DGKB: variants seen among roughly 807,000 people sequenced by gnomAD.
DGKB encodes diacylglycerol kinase beta, also known as 90 kDa diacylglycerol kinase.
A neutral mutation model predicts 114.3 loss-of-function variants in DGKB; 67 were observed. The observed-to-expected ratio is 0.59, with a 90% CI of 0.48 to 0.72. The LOEUF (loss-of-function observed/expected upper bound fraction) is 0.72. Among genes scored for constraint, DGKB ranks in the 30% least tolerant of loss-of-function variants. DGKB has a pLI of 0.00. For missense variants in DGKB, 907 were observed against 975.2 expected, an observed-to-expected ratio of 0.93 and a Z score of 0.93; for synonymous variants, 398 against 323.1, an observed-to-expected ratio of 1.23 and a Z score of -2.49.
chr7:14,903,171 C>T (rs2128240123), upstream of DGKB: 1 of 151,664 alleles, frequency 6.6e-6, no homozygotes, highest in South Asian at 2.1e-4. Context: ...TCTCTTAGTC[C>T]TTGATTTATG....
At chr7:14,329,949 C>T (rs1809431711) in intron 23 of DGKB, among the ~76,000 whole-genome samples, 1 of 151,972 alleles carries the variant, frequency 6.6e-6, no homozygotes, top group Admixed American at 6.6e-5. Flanking sequence ...TGATCTGCCA[C>T]TATTTTCAAT....
intron 23 of DGKB, among the ~76,000 whole-genome samples, chr7:14,179,532 G>A (rs1042975525): frequency 6.6e-5 from 10 of 152,132 alleles, no homozygotes; most frequent in East Asian, 3.9e-4. Context: ...GTGTTTTGTA[G>A]GGAATCCACT....
At chr7:14,794,785 T>C (rs1357583074) in intron 2 of DGKB, among the ~76,000 whole-genome samples, 1 of 152,150 alleles carries the variant, frequency 6.6e-6, no homozygotes, top group Non-Finnish European at 1.5e-5. Flanking sequence ...GGATAGATCC[T>C]GATGAAGCTG....
At chr7:14,234,777 T>C (rs559452182) in intron 23 of DGKB, among the ~76,000 whole-genome samples, 6 of 152,214 alleles carry the variant, frequency 3.9e-5, no homozygotes, top group African/African-American at 9.6e-5. Flanking sequence ...CTCCATCTTA[T>C]ATCATTGCAG....
chr7:14,585,092 T>C (rs879314600), intron 17 of DGKB, among the ~76,000 whole-genome samples: 5 of 152,138 alleles, frequency 3.3e-5, no homozygotes, highest in Non-Finnish European at 7.3e-5. Context: ...TGTATAAAAA[T>C]TACTAAAACC....
At chr7:14,728,101 C>T (rs1476461753) in intron 5 of DGKB, among the ~76,000 whole-genome samples, 2 of 152,130 alleles carry the variant, frequency 1.3e-5, no homozygotes, top group African/African-American at 4.8e-5. Flanking sequence ...GATATTATAG[C>T]TTATTGATAT....
chr7:14,704,340 C>T (rs1044171623), intron 6 of DGKB, among the ~76,000 whole-genome samples: 4 of 145,854 alleles, frequency 2.7e-5, no homozygotes, highest in Admixed American at 7.0e-5. Flanking sequence ...CCCAGCTACG[C>T]GGGAGGCTGA....
intron 25 of DGKB, among the ~76,000 whole-genome samples, chr7:14,158,413 C>G (rs1453607038): frequency 6.6e-6 from 1 of 152,136 alleles, no homozygotes; most frequent in Non-Finnish European, 1.5e-5. Context: ...CATTTACTAA[C>G]CATCAGAGAG....
intron 20 of DGKB, among the ~76,000 whole-genome samples, chr7:14,505,887 G>T (rs1159320977): frequency 6.6e-6 from 1 of 152,084 alleles, no homozygotes; most frequent in African/African-American, 2.4e-5. Flanking sequence ...GATTCCAAAG[G>T]CAGGGCAACA....
chr7:14,769,127 GAGA>G (rs1836952427), intron 2 of DGKB, among the ~76,000 whole-genome samples: 1 of 63,512 alleles, frequency 1.6e-5, no homozygotes, highest in South Asian at 5.3e-4. Context: ...GAAAGAAAGA[GAGA>G]GAGAGAAAGA....
intron 20 of DGKB, 29 bp downstream of exon 20, chr7:14,574,182 AC>A (rs1291431275): frequency 6.3e-7 from 1 of 1,595,862 alleles, no homozygotes; most frequent in Non-Finnish European, 8.6e-7. Flanking sequence ...CAGTACAGGT[AC>A]AAAGGTAAAA....
intron 1 of DGKB, among the ~76,000 whole-genome samples, chr7:14,949,091 C>G (rs1406570847): frequency 6.6e-6 from 1 of 151,582 alleles, no homozygotes; most frequent in Admixed American, 6.6e-5. Context: ...ATTCAGTATA[C>G]AAAGTGAAAT....
intron 2 of DGKB, among the ~76,000 whole-genome samples, chr7:14,791,836 A>G (rs1840706359): frequency 1.3e-5 from 2 of 152,270 alleles, no homozygotes; most frequent in South Asian, 2.1e-4. Flanking sequence ...ATTTTATTAC[A>G]TCTTTCAAAA....
chr7:14,199,148 A>T (rs2128285905), intron 23 of DGKB, among the ~76,000 whole-genome samples: 1 of 152,100 alleles, frequency 6.6e-6, no homozygotes, highest in South Asian at 2.1e-4. Flanking sequence ...TCTCCCCTAC[A>T]CTAAATAAAC....
rs386409562 is a variant in DGKB, at chr7:14,520,210, A to ATTTTTTTT, written c.1771-41993_1771-41986dup. 1.3e-4 allele frequency among the ~76,000 whole-genome samples: 16 copies of ATTTTTTTT among 119,130 alleles called. 1 individual carries two copies. In the East Asian group the frequency reaches 2.2e-3, roughly 17 times the overall value. The allele number at this position is 119,130 out of a possible 152,430, so 78.2% of individuals were successfully genotyped here. On this transcript the variant is annotated intron_variant, in intron 20 of 25. Coordinates refer to ENST00000402815, the MANE Select transcript of DGKB (RefSeq NM_001350709.2). ...ATTATTGACTTTTATCTTTTTTCCT[A>ATTTTTTTT]TTTTTTTTTTTTTTTTGCAGGAGGC...
intron 23 of DGKB, among the ~76,000 whole-genome samples, chr7:14,259,784 C>T (rs531843560): frequency 4.6e-5 from 7 of 152,106 alleles, no homozygotes; most frequent in South Asian, 2.1e-4. Flanking sequence ...CTATAGATCA[C>T]GGGTGGTGCC....
chr7:14,703,169 T>C (rs952029393), intron 6 of DGKB, among the ~76,000 whole-genome samples: 7 of 152,204 alleles, frequency 4.6e-5, no homozygotes, highest in Non-Finnish European at 8.8e-5. Context: ...GTGGCAAGAA[T>C]TGACGGACTA....
chr7:14,961,531 A>T (rs1587464158), intron 1 of DGKB, among the ~76,000 whole-genome samples: 1 of 152,102 alleles, frequency 6.6e-6, no homozygotes. Flanking sequence ...ACCTGCCCAG[A>T]TCTGAAAAGT....
In DGKB at chr7:14,583,057, C is replaced by G. The variant is rs61757212; in HGVS notation, c.1514G>C (p.Cys505Ser). ...TAAGTATGTGTCTGCATTACCTATG[C>G]AATCCAAAACCCAGCCCACGGTTCC... ...GDGTVGWVLDCIEKANVGKHP... is the reference protein window; with the variant it reads ...GDGTVGWVLDSIEKANVGKHP... The change falls in exon 18 of 26, where the codon TGC becomes TCC. Residue 505 changes from cysteine to serine, a missense_variant. Coordinates refer to ENST00000402815, the MANE Select transcript of DGKB (RefSeq NM_001350709.2). 4.9e-5 allele frequency: 78 copies of G among 1,608,078 alleles called. No homozygotes were observed. Among genetic ancestry groups the G allele is most frequent in the Non-Finnish European group, 6.3e-5 (74 of 1,174,896 alleles).
Sources: gnomAD v4.1 joint callset for allele counts (sites outside exome capture counted in the v4.1 genomes callset) on GRCh38, gnomAD v4.1.1 for gene constraint, MANE v1.5 for transcripts, NCBI Gene and HGNC (gene_info 2026-07-23, HGNC 2026-07-21) for gene names.